The following PIGF variants were observed in gnomAD, a reference collection of about 807,000 sequenced individuals.
PIGF encodes phosphatidylinositol glycan anchor biosynthesis class F.
PIGF carries 23 observed loss-of-function variants against 26.0 expected under a neutral mutation model. The observed-to-expected ratio is 0.88, with a 90% CI of 0.64 to 1.25. The LOEUF is 1.25. Among genes scored for constraint, PIGF ranks in the 50% most tolerant of loss-of-function variants. The pLI is 0.00. For missense variants in PIGF, 278 were observed against 249.9 expected, an observed-to-expected ratio of 1.11 and a Z score of -0.76; for synonymous variants, 93 against 92.6, an observed-to-expected ratio of 1.00 and a Z score of -0.03.
intron 3 of PIGF, 119 bp downstream of exon 3, chr2:46,613,575 C>G (rs1670495929): frequency 1.5e-6 from 1 of 656,370 alleles, no homozygotes; most frequent in Admixed American, 3.6e-5. Context: ...ATGTTGGTGT[C>G]CTTACTTGAT....
chr2:46,594,816 G>A (rs1404536149), intron 4 of PIGF, among the ~76,000 whole-genome samples: 2 of 150,216 alleles, frequency 1.3e-5, no homozygotes, highest in African/African-American at 2.4e-5. Context: ...TTACAGGTGT[G>A]AGCCACTGCG....
chr2:46,590,448 C>T (rs1442163683), intron 5 of PIGF, among the ~76,000 whole-genome samples: 2 of 152,070 alleles, frequency 1.3e-5, no homozygotes, highest in Non-Finnish European at 2.9e-5. Flanking sequence ...TCTACTACTG[C>T]ACTGTCTTGT....
intron 4 of PIGF, among the ~76,000 whole-genome samples, chr2:46,603,669 A>G (rs1670129913): frequency 6.6e-6 from 1 of 152,072 alleles, no homozygotes; most frequent in African/African-American, 2.4e-5. Flanking sequence ...GAAGAATGAA[A>G]CTAGACCCCT....
At position 46,592,590 on chromosome 2, in the gene PIGF, AAC is replaced by A. The variant is rs1231156816; in HGVS notation, c.438-9_438-8del. 1.4e-6 allele frequency: 2 copies of A among 1,436,796 alleles called. No homozygotes were observed. The highest frequency in any genetic ancestry group is 2.0e-6 in the Non-Finnish European group (2 of 1,017,902). 89.0% of individuals were successfully genotyped at this position (1,436,796 alleles called of 1,614,324 possible). ...CTCCCATATGGATGTAACTCTGTGAAACACAAATTGGTACATCGTTGGTGGTA... is the reference window on the plus strand; with the variant it reads ...CTCCCATATGGATGTAACTCTGTGAAACAAATTGGTACATCGTTGGTGGTA... On this transcript the variant is annotated splice_polypyrimidine_tract_variant and splice_region_variant and intron_variant, in intron 4 of 5. Transcript: ENST00000281382.
chr2:46,607,802 C>G (rs1670272305), intron 4 of PIGF, among the ~76,000 whole-genome samples: 1 of 151,992 alleles, frequency 6.6e-6, no homozygotes, highest in South Asian at 2.1e-4. Flanking sequence ...TCAAGTGATT[C>G]TTGTGCCTCA....
intron 4 of PIGF, among the ~76,000 whole-genome samples, chr2:46,594,522 A>C (rs1010987562): frequency 2.1e-5 from 3 of 141,804 alleles, no homozygotes; most frequent in African/African-American, 8.2e-5. Flanking sequence ...CTGGAAAAGT[A>C]GGGCAGAGTT....
chr2:46,598,823 T>C (rs925924504), intron 4 of PIGF, among the ~76,000 whole-genome samples: 1 of 152,180 alleles, frequency 6.6e-6, no homozygotes, highest in African/African-American at 2.4e-5. Flanking sequence ...GTGAATTCTA[T>C]GGTATACAGT....
At chr2:46,596,686 T>A (rs1669898070) in intron 4 of PIGF, among the ~76,000 whole-genome samples, 1 of 151,880 alleles carries the variant, frequency 6.6e-6, no homozygotes, top group South Asian at 2.1e-4. Flanking sequence ...ATAAATTAAG[T>A]ATAGATTTTT....
At chr2:46,599,835 A>G (rs1173943750) in intron 4 of PIGF, among the ~76,000 whole-genome samples, 1 of 151,908 alleles carries the variant, frequency 6.6e-6, no homozygotes, top group Non-Finnish European at 1.5e-5. Flanking sequence ...TCTATAGTGC[A>G]TTTTTAGGGT....
chr2:46,581,418 T>G lies in PIGF; in HGVS notation c.*60A>C. On this transcript the variant is annotated 3_prime_UTR_variant, in exon 6 of 6. Coordinates refer to ENST00000281382, the MANE Select transcript of PIGF (RefSeq NM_002643.4). Reference sequence around the variant, plus strand: ...AAATGGAACTGCTTGGCTTTGACCATACACATTTCTGCCCAGCCCTTACAG... The same window carrying G: ...AAATGGAACTGCTTGGCTTTGACCAGACACATTTCTGCCCAGCCCTTACAG... The G allele has an allele frequency of 1.9e-6, 3 of 1,575,558 alleles. No homozygotes were observed. Among genetic ancestry groups the G allele is most frequent in the Non-Finnish European group, 2.6e-6 (3 of 1,160,198 alleles).
intron 3 of PIGF, 21 bp downstream of exon 3, chr2:46,613,673 G>C (rs1441648880): frequency 6.1e-6 from 9 of 1,472,914 alleles, no homozygotes; most frequent in Non-Finnish European, 8.2e-6. Flanking sequence ...TATAAATTTA[G>C]GGTAAAAATT....
intron 3 of PIGF, 44 bp downstream of exon 3, chr2:46,613,650 G>T (rs768491221): frequency 2.2e-6 from 3 of 1,386,420 alleles, no homozygotes; most frequent in East Asian, 5.1e-5. Context: ...TTTGGTAAAT[G>T]AATGTTTTAA....
intron 1 of PIGF, 79 bp from the exon 2 acceptor site, chr2:46,615,264 A>G: frequency 1.5e-6 from 1 of 662,256 alleles, no homozygotes; most frequent in Non-Finnish European, 2.7e-6. Context: ...CCCTAAAAAT[A>G]GGTCATAAAG....
intron 4 of PIGF, among the ~76,000 whole-genome samples, chr2:46,594,512 CTGGAAAAGT>C (rs759085158): frequency 3.3e-5 from 5 of 149,424 alleles, no homozygotes; most frequent in Non-Finnish European, 5.9e-5. Context: ...AGAAATAAGG[CTGGAAAAGT>C]AGGGCAGAGT....
At chr2:46,613,278 A>G (rs1670485443) in intron 3 of PIGF, among the ~76,000 whole-genome samples, 1 of 152,198 alleles carries the variant, frequency 6.6e-6, no homozygotes, top group Non-Finnish European at 1.5e-5. Flanking sequence ...ACACCAGCTT[A>G]TTCAGTATTT....
chr2:46,609,876 T>A (rs1325009962), intron 4 of PIGF, among the ~76,000 whole-genome samples: 3 of 152,086 alleles, frequency 2.0e-5, no homozygotes, highest in Non-Finnish European at 4.4e-5. Context: ...ATAATAATAA[T>A]GAAAAAGCTT....
intron 5 of PIGF, among the ~76,000 whole-genome samples, chr2:46,590,994 A>G (rs962598830): frequency 3.3e-5 from 5 of 152,240 alleles, no homozygotes; most frequent in African/African-American, 1.2e-4. Context: ...TCTGGATCCC[A>G]CATTTGGCAA....
intron 4 of PIGF, among the ~76,000 whole-genome samples, chr2:46,593,976 G>C (rs1435614451): frequency 4.6e-5 from 7 of 152,208 alleles, no homozygotes; most frequent in Non-Finnish European, 8.8e-5. Flanking sequence ...TTTCCATTGA[G>C]AAGCAGGGCT....
At position 46,589,137 on chromosome 2, in the gene PIGF, T is replaced by A. The variant is rs1669659503; in HGVS notation, c.546+3338A>T. On this transcript the variant is annotated intron_variant, in intron 5 of 5. Transcript: ENST00000281382. This position sits in a 1 kb window ranked among gnomAD's most constrained non-coding sequence, Gnocchi z 4.7. Reference sequence around the variant, plus strand: ...AAACAACAACAAAGATGACCAACAGTATAATGGGTAGCTACCCTACCATAT... The same window carrying A: ...AAACAACAACAAAGATGACCAACAGAATAATGGGTAGCTACCCTACCATAT... Among the ~76,000 whole-genome samples the A allele has an allele frequency of 6.6e-6, 1 of 152,080 alleles. No individual in the cohort carries two copies. The highest frequency in any genetic ancestry group is 2.1e-4 in the South Asian group (1 of 4,832).
Sources: allele counts gnomAD v4.1 joint callset (sites outside exome capture counted in the v4.1 genomes callset), GRCh38; gene constraint gnomAD v4.1.1; non-coding constraint Gnocchi (gnomAD v3.1); transcripts MANE v1.5; gene names NCBI Gene and HGNC (gene_info 2026-07-23, HGNC 2026-07-21).